FNTB: variants seen among roughly 807,000 people sequenced by gnomAD.
FNTB encodes the protein farnesyltransferase, CAAX box, subunit beta, also known as protein farnesyltransferase subunit beta.
A neutral mutation model predicts 59.4 loss-of-function variants in FNTB; 27 were observed. That is an observed-to-expected ratio of 0.45 (90% CI 0.34 to 0.63). FNTB has a LOEUF of 0.63. FNTB is among the 20% of genes least tolerant of loss of function. The probability of loss-of-function intolerance (pLI) is 0.02; values close to 1 mark genes in which losing one functional copy is unlikely to be tolerated. For synonymous variants in FNTB, 230 were observed against 220.7 expected (o/e 1.04, Z -0.37); for missense variants, 449 against 559.6 (o/e 0.80, Z 1.99).
chr14:65,002,975 A>G (rs1295910732), intron 1 of FNTB, among the ~76,000 whole-genome samples: 1 of 152,194 alleles, frequency 6.6e-6, no homozygotes, highest in Non-Finnish European at 1.5e-5. Context: ...CTCTGTAGGA[A>G]TGATGGGATA....
At position 65,001,227 on chromosome 14, in the gene FNTB, A is replaced by G. The variant is rs1036917733; in HGVS notation, c.145-3022A>G. ...ACAGGCGTGCACTATATAACAATCA[A>G]CAGACTACATATACCACAGTGGTCT... On this transcript the variant is annotated intron_variant, in intron 1 of 11. Coordinates refer to ENST00000246166, the MANE Select transcript of FNTB (RefSeq NM_002028.4). The surrounding 1 kb of genome is among the most constrained non-coding windows in gnomAD (Gnocchi z 5.5). 6.6e-6 allele frequency among the ~76,000 whole-genome samples: 1 copy of G among 152,236 alleles called. No individual in the cohort carries two copies. Among genetic ancestry groups the G allele is most frequent in the African/African-American group, 2.4e-5 (1 of 41,468 alleles).
In FNTB at chr14:65,027,530, C is replaced by T; in HGVS notation, c.452C>T (p.Ala151Val). 1 of 1,614,202 alleles carries T rather than the reference C, an allele frequency of 6.2e-7. No individual in the cohort carries two copies. The highest frequency in any genetic ancestry group is 8.5e-7 in the Non-Finnish European group (1 of 1,180,038). The change falls in exon 5 of 12, where the codon GCA becomes GTA. Residue 151 changes from alanine (A) to valine (V), a missense_variant. This residue lies in a region of FNTB where 337 missense variants were observed against 479.1 expected (regional missense o/e 0.70). Transcript: ENST00000246166. This position sits in a 1 kb window ranked among gnomAD's most constrained non-coding sequence, Gnocchi z 5.7. ...GGGPGQYPHLAPTYAAVNALC... is the reference protein window; with the variant it reads ...GGGPGQYPHLVPTYAAVNALC... Reference sequence around the variant, plus strand: ...GGACCCGGTCAGTATCCACACCTTGCACCCACATATGCAGCAGTCAATGCA... The same window carrying T: ...GGACCCGGTCAGTATCCACACCTTGTACCCACATATGCAGCAGTCAATGCA...
Position 64,987,052 on chromosome 14 carries a change from G to A in FNTB, c.99G>A (p.Glu33=). ...GTCTGAGGCCCGAGCACGCGCGAGA[G>A]CGGTTGCAGGACGACTCGGTGGAAA... The part of the protein sequence containing the change: ...LYSLRPEHAR[E]RLQDDSVETV... Residue 33 remains glutamate, a synonymous_variant, in exon 1 of 12, where the codon GAG becomes GAA. Coordinates refer to ENST00000246166, the MANE Select transcript of FNTB (RefSeq NM_002028.4). The A allele has an allele frequency of 6.2e-7, 1 of 1,614,240 alleles. No homozygotes were observed. The highest frequency in any genetic ancestry group is 8.5e-7 in the Non-Finnish European group (1 of 1,180,042).
At position 65,011,890 on chromosome 14, in the gene FNTB, A is replaced by G. The variant is rs925845673; in HGVS notation, c.210-427A>G. ...TGGAGAAGTCATCCCAGACGGGGTGACTGAAATGACAGCGGCTGAGGCAGG... is the reference window on the plus strand; with the variant it reads ...TGGAGAAGTCATCCCAGACGGGGTGGCTGAAATGACAGCGGCTGAGGCAGG... On this transcript the variant is annotated intron_variant, in intron 2 of 11. Coordinates refer to ENST00000246166, the MANE Select transcript of FNTB (RefSeq NM_002028.4). This position sits in a 1 kb window ranked among gnomAD's most constrained non-coding sequence, Gnocchi z 4.0. Among the ~76,000 whole-genome samples, 2 of 152,070 alleles carry G rather than the reference A, an allele frequency of 1.3e-5. No individual in the cohort carries two copies. Among genetic ancestry groups the G allele is most frequent in the Admixed American group, 6.6e-5 (1 of 15,266 alleles).
intron 3 of FNTB, chr14:65,015,407 T>G: frequency 2.4e-6 from 1 of 413,822 alleles, no homozygotes; most frequent in Non-Finnish European, 4.3e-6. Context: ...CCAGCCTTGT[T>G]ATCTTTTTTT....
intron 1 of FNTB, among the ~76,000 whole-genome samples, chr14:64,989,513 G>C (rs1349290662): frequency 6.6e-6 from 1 of 150,384 alleles, no homozygotes; most frequent in Non-Finnish European, 1.5e-5. Flanking sequence ...GTCTATTTAA[G>C]ATGAAAGCTT....
chr14:65,060,885 A>C (rs1170344662), intron 11 of FNTB, among the ~76,000 whole-genome samples: 1 of 151,420 alleles, frequency 6.6e-6, no homozygotes, highest in East Asian at 1.9e-4. Context: ...AAAAAAAAAA[A>C]AAAAAAAAAA....
At chr14:65,040,675 G>C in intron 7 of FNTB, 115 bp from the exon 8 acceptor site, 3 of 927,804 alleles carry the variant, frequency 3.2e-6, no homozygotes, top group Non-Finnish European at 4.1e-6. Flanking sequence ...ATTCATAGTT[G>C]TGATGGTTCA....
rs571020746 is a variant in FNTB at position 65,030,598 on chromosome 14, C to T, written c.606-2012C>T. ...TACAAAAAATTTTTAAAAAATTAGC[C>T]AGGTGTGGTGGCATGCATCTGTAGC... On this transcript the variant is annotated intron_variant, in intron 6 of 11. Transcript: ENST00000246166. This position sits in a 1 kb window ranked among gnomAD's most constrained non-coding sequence, Gnocchi z 4.5. 1.5e-3 allele frequency among the ~76,000 whole-genome samples: 227 copies of T among 152,092 alleles called. No homozygotes were observed. Among genetic ancestry groups the T allele is most frequent in the African/African-American group, 5.1e-3 (212 of 41,510 alleles).
In FNTB at chr14:65,027,778, T is replaced by C. The variant is rs1182661054; in HGVS notation, c.602T>C (p.Val201Ala). 6.2e-7 allele frequency: 1 copy of C among 1,614,096 alleles called. No homozygotes were observed. Among genetic ancestry groups the C allele is most frequent in the Non-Finnish European group, 8.5e-7 (1 of 1,179,996 alleles). The change falls in exon 6 of 12, where the codon GTG (valine) becomes GCG (alanine). Residue 201 changes from valine to alanine, a missense_variant. By Grantham distance (64) the Val-to-Ala change is moderately conservative (BLOSUM62 0). This residue lies in a region of FNTB where 337 missense variants were observed against 479.1 expected (regional missense o/e 0.70). Transcript: ENST00000246166. This position sits in a 1 kb window ranked among gnomAD's most constrained non-coding sequence, Gnocchi z 5.7. ...ATGCATGTCGGAGGTGAGGTGGATG[T>C]GAGGTGAGTGGGGTTTTGCACAGGC... ...FLMHVGGEVD[V>A]RSAYCAASVA... is the part of the protein sequence containing the mutation.
chr14:65,004,290 C>T lies in FNTB; in HGVS notation c.186C>T (p.Tyr62=), dbSNP rs868751342. ...AGATCCAAGAGGTCTTCAGTTCTTA[C>T]AAGTTCAACCACCTTGTACCAAGGT... The part of the protein sequence containing the change: ...EEKIQEVFSS[Y]KFNHLVPRLV... The change falls in exon 2 of 12, where the codon TAC becomes TAT. Residue 62 remains tyrosine (Y), a synonymous_variant. Coordinates refer to ENST00000246166, the MANE Select transcript of FNTB (RefSeq NM_002028.4). The T allele has an allele frequency of 6.2e-7, 1 of 1,613,266 alleles. No homozygotes were observed. The highest frequency in any genetic ancestry group is 1.3e-5 in the African/African-American group (1 of 75,040).
At chr14:65,048,429 T>C (rs2062535714) in intron 9 of FNTB, among the ~76,000 whole-genome samples, 1 of 152,204 alleles carries the variant, frequency 6.6e-6, no homozygotes, top group African/African-American at 2.4e-5. Context: ...GCAAAAAGAA[T>C]GCTCTACATA....
chr14:65,044,737 G>A lies in FNTB; in HGVS notation c.955+294G>A, dbSNP rs2139645492. On this transcript the variant is annotated intron_variant, in intron 9 of 11. Transcript: ENST00000246166. The surrounding 1 kb of genome is among the most constrained non-coding windows in gnomAD (Gnocchi z 5.5). ...GGCGCTGCTTCTGCGTTATCTGGAA[G>A]GAGCAGCCCACTCCTGTCCTGGGCT... The A allele has an allele frequency of 2.5e-6, 1 of 407,904 alleles. No individual in the cohort carries two copies. Among genetic ancestry groups the A allele is most frequent in the Middle Eastern group, 3.2e-4 (1 of 3,164 alleles). The allele number at this position is 407,904 out of a possible 1,614,324, so 25.3% of individuals were successfully genotyped here.
chr14:65,015,928 C>G (rs2061765361), intron 4 of FNTB, among the ~76,000 whole-genome samples: 1 of 152,186 alleles, frequency 6.6e-6, no homozygotes, highest in Non-Finnish European at 1.5e-5. Flanking sequence ...TTTGAACTTC[C>G]AAGAGAAGGA....
At chr14:65,048,727 T>C (rs2062542132) in intron 9 of FNTB, among the ~76,000 whole-genome samples, 1 of 152,114 alleles carries the variant, frequency 6.6e-6, no homozygotes, top group Non-Finnish European at 1.5e-5. Flanking sequence ...TGGTGGCACA[T>C]GCCTGTAGTC....
Position 65,007,789 on chromosome 14 carries a change from T to C in FNTB, c.209+3476T>C, listed in dbSNP as rs1041362337. 2.6e-5 allele frequency among the ~76,000 whole-genome samples: 4 copies of C among 152,252 alleles called. No individual in the cohort carries two copies. Among genetic ancestry groups the C allele is most frequent in the African/African-American group, 9.6e-5 (4 of 41,470 alleles). ...ATCACCTTGGCTTTAATAAGAAACC[T>C]GAAATGCATAAACTACACAGATACC... On this transcript the variant is annotated intron_variant, in intron 2 of 11. Coordinates refer to ENST00000246166, the MANE Select transcript of FNTB (RefSeq NM_002028.4). This position sits in a 1 kb window ranked among gnomAD's most constrained non-coding sequence, Gnocchi z 4.9.
chr14:65,024,920 C>CT (rs543098960), intron 4 of FNTB, among the ~76,000 whole-genome samples: 6 of 152,016 alleles, frequency 3.9e-5, no homozygotes, highest in South Asian at 4.2e-4. Flanking sequence ...TGCCTGGCTC[C>CT]TTTTTTTTGT....
chr14:65,061,951 CGCTTGGTGCACAGGCAAGACTT>C lies in FNTB; in HGVS notation c.*644_*665del, dbSNP rs1225193745. On this transcript the variant is annotated 3_prime_UTR_variant, in exon 12 of 12. Transcript: ENST00000246166. ...TGCATCTCTCCAGGGTCCAAGGCCA[CGCTTGGTGCACAGGCAAGACTT>C]GCTTCAGCCCCAGGTGTGGTGACTT... is the stretch of plus-strand genomic sequence containing the variant. 18 of 152,554 alleles carry C rather than the reference CGCTTGGTGCACAGGCAAGACTT, an allele frequency of 1.2e-4. No individual in the cohort carries two copies. The highest frequency in any genetic ancestry group is 4.1e-4 in the African/African-American group (17 of 41,468). The allele number at this position is 152,554 out of a possible 1,614,324, so 9.5% of individuals were successfully genotyped here. A position where few individuals can be genotyped will look rare whatever the true frequency, so the allele number is the denominator to read the frequency against.
chr14:65,059,084 G>C (rs1338890411), intron 11 of FNTB, among the ~76,000 whole-genome samples: 1 of 152,024 alleles, frequency 6.6e-6, no homozygotes, highest in African/African-American at 2.4e-5. Context: ...GTACAGTGCT[G>C]TGATCATAGC....
Sources: gnomAD v4.1 joint callset for allele counts (sites outside exome capture counted in the v4.1 genomes callset) on GRCh38, gnomAD v4.1.1 for gene constraint, gnomAD v4.1.1 regional missense constraint, Gnocchi (gnomAD v3.1) non-coding constraint, MANE v1.5 for transcripts, NCBI Gene and HGNC (gene_info 2026-07-23, HGNC 2026-07-21) for gene names.